NRG1: variants seen among roughly 807,000 people sequenced by gnomAD.
The protein encoded by NRG1 is pro-neuregulin-1, membrane-bound isoform.
In NRG1, 18 loss-of-function variants were observed where a neutral mutation model predicts 63.8. The observed-to-expected ratio is 0.28, with a 90% CI of 0.19 to 0.42. The LOEUF (loss-of-function observed/expected upper bound fraction) is 0.42. NRG1 is among the 10% of genes least tolerant of loss of function. The pLI is 1.00. For missense variants in NRG1, 762 were observed against 814.7 expected, an observed-to-expected ratio of 0.94 and a Z score of 0.79; for synonymous variants, 302 against 301.3, an observed-to-expected ratio of 1.00 and a Z score of -0.02.
chr8:31,737,289 CT>C (rs1814777944), intron 1 of NRG1, among the ~76,000 whole-genome samples: 1 of 152,056 alleles, frequency 6.6e-6, no homozygotes, highest in Non-Finnish European at 1.5e-5. Flanking sequence ...AAATCCAAGA[CT>C]GTGTTATGTG....
chr8:32,069,346 G>A (rs1476902300), intron 1 of NRG1, among the ~76,000 whole-genome samples: 1 of 152,156 alleles, frequency 6.6e-6, no homozygotes, highest in African/African-American at 2.4e-5. Flanking sequence ...TTGAGCACGG[G>A]CTTTGAGGAT....
chr8:31,772,252 T>A (rs1382739732), intron 1 of NRG1, among the ~76,000 whole-genome samples: 1 of 152,190 alleles, frequency 6.6e-6, no homozygotes, highest in African/African-American at 2.4e-5. Flanking sequence ...GATCCAGTGT[T>A]TCTTGTCACG....
At chr8:32,504,460 A>T (rs1319279540) in intron 1 of NRG1, among the ~76,000 whole-genome samples, 1 of 152,198 alleles carries the variant, frequency 6.6e-6, no homozygotes, top group Admixed American at 6.5e-5. Flanking sequence ...AGCAATACTT[A>T]TAAGCGTTTT....
chr8:31,820,320 C>A (rs1823883574), intron 1 of NRG1, among the ~76,000 whole-genome samples: 1 of 152,126 alleles, frequency 6.6e-6, no homozygotes. Flanking sequence ...CCCTTCCTCC[C>A]CTCCAGAGAT....
chr8:31,960,006 G>A (rs186635645), intron 1 of NRG1, among the ~76,000 whole-genome samples: 41 of 152,098 alleles, frequency 2.7e-4, no homozygotes, highest in Non-Finnish European at 2.9e-5. Context: ...TTTGTGAGAA[G>A]AGCAAAGTGG....
intron 3 of NRG1, 107 bp from the exon 4 acceptor site, chr8:32,614,407 A>G: frequency 1.9e-6 from 2 of 1,057,928 alleles, no homozygotes; most frequent in Non-Finnish European, 2.9e-6. Context: ...ACTCCCTTGC[A>G]ATACTTCCTT....
At chr8:32,641,763 C>A (rs1852439589) in intron 5 of NRG1, among the ~76,000 whole-genome samples, 1 of 152,168 alleles carries the variant, frequency 6.6e-6, no homozygotes, top group Admixed American at 6.5e-5. Context: ...GTCAAATTGT[C>A]TGCTCTGAGA....
chr8:32,100,489 C>G (rs1226248545), intron 1 of NRG1, among the ~76,000 whole-genome samples: 1 of 152,028 alleles, frequency 6.6e-6, no homozygotes, highest in East Asian at 1.9e-4. Context: ...TGTCTCCAGA[C>G]CCCGTGGTCT....
At chr8:32,673,550 G>A (rs1806255985) in intron 5 of NRG1, among the ~76,000 whole-genome samples, 1 of 152,080 alleles carries the variant, frequency 6.6e-6, no homozygotes, top group Admixed American at 6.6e-5. Context: ...TAAATAGCAA[G>A]TTGTAATTTT....
At chr8:32,011,599 T>C (rs1458018174) in intron 1 of NRG1, among the ~76,000 whole-genome samples, 1 of 152,114 alleles carries the variant, frequency 6.6e-6, no homozygotes, top group Admixed American at 6.6e-5. Context: ...GCAATCAAAA[T>C]GGCTTGTTAT....
chr8:32,368,759 G>A (rs1433711375), intron 1 of NRG1, among the ~76,000 whole-genome samples: 1 of 152,012 alleles, frequency 6.6e-6, no homozygotes, highest in Non-Finnish European at 1.5e-5. Flanking sequence ...CTTGTAAATA[G>A]TAGATTTCAT....
At chr8:32,071,024 A>G (rs1010252776) in intron 1 of NRG1, among the ~76,000 whole-genome samples, 44 of 152,198 alleles carry the variant, frequency 2.9e-4, no homozygotes, top group African/African-American at 9.9e-4. Context: ...CTCTCTGCCT[A>G]TGATTCTCTT....
At chr8:32,675,007 A>T (rs1461592427) in intron 5 of NRG1, among the ~76,000 whole-genome samples, 1 of 152,322 alleles carries the variant, frequency 6.6e-6, no homozygotes, top group East Asian at 1.9e-4. Flanking sequence ...GCAAAAAAGT[A>T]AGCATGACAG....
chr8:32,193,361 A>G (rs937654526), intron 1 of NRG1, among the ~76,000 whole-genome samples: 1 of 151,756 alleles, frequency 6.6e-6, no homozygotes, highest in South Asian at 2.1e-4. Context: ...GTGATAGATT[A>G]TGCCCATTCC....
intron 1 of NRG1, among the ~76,000 whole-genome samples, chr8:32,433,925 C>T (rs888524161): frequency 2.6e-5 from 4 of 152,098 alleles, no homozygotes; most frequent in African/African-American, 9.7e-5. Flanking sequence ...TTAGACTTCA[C>T]ACCTGTAATC....
chr8:32,127,528 C>CGTGTGTGTGTGTGTGT (rs3084577), intron 1 of NRG1, among the ~76,000 whole-genome samples: 23 of 146,384 alleles, frequency 1.6e-4, no homozygotes, highest in Admixed American at 3.4e-4. Context: ...TGTATCTGCA[C>CGTGTGTGTGTGTGTGT]GTGTGTGTGT....
At chr8:32,558,167 GTCA>G (rs1339329971) in intron 1 of NRG1, among the ~76,000 whole-genome samples, 2 of 152,170 alleles carry the variant, frequency 1.3e-5, no homozygotes, top group African/African-American at 2.4e-5. Flanking sequence ...CCTCTACGGA[GTCA>G]TCGCCTTCTC....
intron 1 of NRG1, among the ~76,000 whole-genome samples, chr8:32,474,675 G>GTT (rs1243335169): frequency 2.0e-5 from 3 of 150,930 alleles, no homozygotes; most frequent in African/African-American, 7.3e-5. Flanking sequence ...GTGTGTGTGT[G>GTT]TGTTTTTTTT....
chr8:31,834,333 A>ACACG lies in NRG1; in HGVS notation c.37+194905_37+194906insGCAC, dbSNP rs1415012765. Among the ~76,000 whole-genome samples the ACACG allele has an allele frequency of 2.9e-4, 44 of 151,336 alleles. 2 individuals are homozygous for ACACG. The South Asian group carries it at 5.7e-3, about 19-fold the overall frequency. On this transcript the variant is annotated intron_variant, in intron 1 of 10. Transcript: ENST00000519301. ...CACACACACACACACACACACACGC[A>ACACG]CACCAATTTGTTTAAAATAAAAAAA... is the stretch of plus-strand genomic sequence containing the variant.
Sources: gnomAD v4.1 joint callset for allele counts (sites outside exome capture counted in the v4.1 genomes callset) on GRCh38, gnomAD v4.1.1 for gene constraint, MANE v1.5 for transcripts, NCBI Gene and HGNC (gene_info 2026-07-23, HGNC 2026-07-21) for gene names.